Variants in CDH12 observed in about 807,000 individuals in gnomAD.
CDH12 encodes cadherin-12.
CDH12 carries 41 observed loss-of-function variants against 74.1 expected under a neutral mutation model. The observed-to-expected ratio is 0.55, with a 90% CI of 0.43 to 0.72. The LOEUF (loss-of-function observed/expected upper bound fraction) is 0.72, where lower values mean the gene tolerates loss of function less well. CDH12 is among the 30% of genes least tolerant of loss of function. The probability of loss-of-function intolerance (pLI) is 0.00; values close to 1 mark genes in which losing one functional copy is unlikely to be tolerated. For synonymous variants in CDH12, 399 were observed against 355.0 expected (o/e 1.12, Z -1.39); for missense variants, 945 against 977.2 (o/e 0.97, Z 0.44).
At chr5:22,197,625 TG>T (rs1750698155) in intron 4 of CDH12, among the ~76,000 whole-genome samples, 1 of 152,168 alleles carries the variant, frequency 6.6e-6, no homozygotes, top group African/African-American at 2.4e-5. Flanking sequence ...CATTGCTTTT[TG>T]TGAAGATCAG....
intron 8 of CDH12, among the ~76,000 whole-genome samples, chr5:21,832,745 T>C (rs1247891757): frequency 1.5e-5 from 2 of 137,496 alleles, no homozygotes; most frequent in African/African-American, 5.4e-5. Flanking sequence ...ATGAGACACA[T>C]GATACATATC....
chr5:22,622,367 G>A (rs7732045), intron 1 of CDH12, among the ~76,000 whole-genome samples: 9,249 of 151,994 alleles, frequency 0.061, 494 homozygotes, highest in East Asian at 0.2. Flanking sequence ...AAGGGAAGAC[G>A]CAGACACTGG....
chr5:22,646,576 A>T (rs2126877889), intron 1 of CDH12, among the ~76,000 whole-genome samples: 1 of 152,084 alleles, frequency 6.6e-6, no homozygotes, highest in East Asian at 1.9e-4. Flanking sequence ...AATTTATGGA[A>T]ATAATTGTTT....
intron 2 of CDH12, among the ~76,000 whole-genome samples, chr5:22,495,104 C>T (rs1444130905): frequency 1.3e-5 from 2 of 152,074 alleles, no homozygotes; most frequent in East Asian, 1.9e-4. Flanking sequence ...TCAGACCCCA[C>T]GGGTATACAG....
intron 5 of CDH12, among the ~76,000 whole-genome samples, chr5:22,025,314 G>A (rs192070397): frequency 6.2e-4 from 94 of 152,198 alleles, no homozygotes; most frequent in Non-Finnish European, 9.6e-4. Flanking sequence ...TACACCCAGT[G>A]TAATAAAGGA....
intron 6 of CDH12, among the ~76,000 whole-genome samples, chr5:21,910,636 G>A (rs141310385): frequency 7.3e-5 from 11 of 151,692 alleles, no homozygotes; most frequent in African/African-American, 2.7e-4. Context: ...GTGGGAACAT[G>A]TGAAGGAGAG....
chr5:21,989,186 A>G (rs913092294), intron 5 of CDH12, among the ~76,000 whole-genome samples: 2 of 152,258 alleles, frequency 1.3e-5, no homozygotes, highest in African/African-American at 2.4e-5. Context: ...TAAGAATTGT[A>G]TAAGAATACA....
intron 5 of CDH12, among the ~76,000 whole-genome samples, chr5:21,986,665 G>A (rs1036373104): frequency 6.6e-6 from 1 of 151,984 alleles, no homozygotes; most frequent in Non-Finnish European, 1.5e-5. Flanking sequence ...TAAATTTGAT[G>A]TATCATTTCA....
intron 1 of CDH12, among the ~76,000 whole-genome samples, chr5:22,763,537 A>C (rs953083008): frequency 6.6e-6 from 1 of 152,012 alleles, no homozygotes; most frequent in African/African-American, 2.4e-5. Context: ...TGGTCTTTGC[A>C]CATGAGGTTC....
In CDH12 at chr5:22,283,146, T is replaced by C. The variant is rs770597088; in HGVS notation, c.-332-70503A>G. Among the ~76,000 whole-genome samples, 21 of 149,944 alleles carry C rather than the reference T, an allele frequency of 1.4e-4. No individual in the cohort carries two copies. The Middle Eastern group carries it at 0.021, about 153-fold the overall frequency. ...ATATTTGTCCATCTTCTAGAAATGT[T>C]TGATAATAATGTAACATGGAAAATG... On this transcript the variant is annotated intron_variant, in intron 3 of 14. Transcript: ENST00000382254.
At chr5:22,701,417 T>TA (rs1015439872) in intron 1 of CDH12, among the ~76,000 whole-genome samples, 6 of 151,300 alleles carry the variant, frequency 4.0e-5, no homozygotes, top group African/African-American at 7.3e-5. Context: ...GCAATAAGAT[T>TA]AAAAAAAAAG....
At chr5:22,166,437 TGATTAA>T (rs1394763717) in intron 4 of CDH12, among the ~76,000 whole-genome samples, 3 of 152,336 alleles carry the variant, frequency 2.0e-5, no homozygotes, top group African/African-American at 7.2e-5. Context: ...GTCTAGTAGT[TGATTAA>T]GATTATTTTC....
At chr5:22,729,269 T>C (rs1276619554) in intron 1 of CDH12, among the ~76,000 whole-genome samples, 2 of 151,798 alleles carry the variant, frequency 1.3e-5, no homozygotes, top group East Asian at 3.9e-4. Context: ...AATTCCCTGT[T>C]GAGGAAAGCT....
chr5:21,956,911 C>CT (rs561572574), intron 6 of CDH12, among the ~76,000 whole-genome samples: 46 of 147,836 alleles, frequency 3.1e-4, no homozygotes, highest in South Asian at 1.5e-3. Context: ...TTGCTTTCTT[C>CT]TTTTTTTTTT....
chr5:22,532,553 C>T (rs1222799167), intron 1 of CDH12, among the ~76,000 whole-genome samples: 1 of 150,830 alleles, frequency 6.6e-6, no homozygotes, highest in African/African-American at 2.4e-5. Flanking sequence ...AGATCTAACC[C>T]TGCTAATTTA....
intron 3 of CDH12, among the ~76,000 whole-genome samples, chr5:22,220,638 T>C (rs1265388098): frequency 6.6e-6 from 1 of 151,504 alleles, no homozygotes; most frequent in Non-Finnish European, 1.5e-5. Context: ...CTAATTCCAA[T>C]GCTTTTCTGC....
intron 13 of CDH12, among the ~76,000 whole-genome samples, chr5:21,758,769 A>G (rs1301723033): frequency 6.6e-6 from 1 of 152,192 alleles, no homozygotes; most frequent in Admixed American, 6.5e-5. Flanking sequence ...AGTGTACACC[A>G]TGCAATAGTT....
chr5:22,561,996 A>G (rs533645469), intron 1 of CDH12, among the ~76,000 whole-genome samples: 16 of 152,354 alleles, frequency 1.1e-4, no homozygotes, highest in African/African-American at 3.8e-4. Flanking sequence ...TATACAGTGT[A>G]TAAAAATGTT....
intron 3 of CDH12, among the ~76,000 whole-genome samples, chr5:22,297,583 T>A (rs1319459478): frequency 6.6e-6 from 1 of 152,248 alleles, no homozygotes; most frequent in Non-Finnish European, 1.5e-5. Flanking sequence ...TCCTTGTATC[T>A]TCAAGCTGCT....
Sources: gnomAD v4.1 joint callset for allele counts (sites outside exome capture counted in the v4.1 genomes callset) on GRCh38, gnomAD v4.1.1 for gene constraint, MANE v1.5 for transcripts, NCBI Gene and HGNC (gene_info 2026-07-23, HGNC 2026-07-21) for gene names.